Variants in ERMP1 observed in about 807,000 individuals in gnomAD.
The protein encoded by ERMP1 is Felix-ina.
ERMP1 carries 86 observed loss-of-function variants against 92.0 expected under a neutral mutation model. That is an observed-to-expected ratio of 0.93 (90% CI 0.79 to 1.12). The LOEUF (loss-of-function observed/expected upper bound fraction) is 1.12, where lower values mean the gene tolerates loss of function less well. ERMP1 is among the 50% of genes most tolerant of loss of function. The probability of loss-of-function intolerance (pLI) is 0.00; values close to 1 mark genes in which losing one functional copy is unlikely to be tolerated. For synonymous variants in ERMP1, 530 were observed against 412.8 expected (o/e 1.28, Z -3.44); for missense variants, 1,342 against 1,116.3 (o/e 1.20, Z -2.88).
At position 5,830,918 on chromosome 9, in the gene ERMP1, T is replaced by C; in HGVS notation, c.449A>G (p.Gln150Arg). The change falls in exon 2 of 15, where the codon CAA (glutamine) becomes CGA (arginine). Residue 150 changes from glutamine (Q) to arginine (R), a missense_variant. Gln to Arg is a conservative substitution (Grantham distance 43). Coordinates refer to ENST00000339450, the MANE Select transcript of ERMP1 (RefSeq NM_024896.3). ...LLEQIKLIEVQSNSLHKISVD... is the reference protein window; with the variant it reads ...LLEQIKLIEVRSNSLHKISVD... Reference sequence around the variant, plus strand: ...TGAAATCTTATGAAGGCTGTTGCTTTGCACTTCAATCAGTTTAATCTGTTC... The same window carrying C: ...TGAAATCTTATGAAGGCTGTTGCTTCGCACTTCAATCAGTTTAATCTGTTC... 1 of 1,614,158 alleles carries C rather than the reference T, an allele frequency of 6.2e-7. No homozygotes were observed. Among genetic ancestry groups the C allele is most frequent in the Non-Finnish European group, 8.5e-7 (1 of 1,179,978 alleles).
chr9:5,828,488 T>C (rs1444600211), intron 2 of ERMP1, among the ~76,000 whole-genome samples: 1 of 152,228 alleles, frequency 6.6e-6, no homozygotes, highest in East Asian at 1.9e-4. Context: ...AAGGAATCTA[T>C]ATAACACTTT....
intron 6 of ERMP1, among the ~76,000 whole-genome samples, chr9:5,851,547 C>A (rs1830307128): frequency 6.6e-6 from 1 of 152,156 alleles, no homozygotes; most frequent in Non-Finnish European, 1.5e-5. Flanking sequence ...TCATATCAGC[C>A]TTACACAGGG....
intron 13 of ERMP1, among the ~76,000 whole-genome samples, chr9:5,788,793 A>C (rs911055581): frequency 2.6e-5 from 4 of 152,212 alleles, no homozygotes; most frequent in Non-Finnish European, 5.9e-5. Flanking sequence ...GGATATTTAA[A>C]ACCCCACCAT....
intron 4 of ERMP1, among the ~76,000 whole-genome samples, chr9:5,823,182 A>C (rs1013606861): frequency 7.9e-5 from 12 of 152,102 alleles, no homozygotes; most frequent in Non-Finnish European, 1.5e-5. Flanking sequence ...CAACTCAGGA[A>C]ACTGAGACAG....
rs1828933676 is a variant in ERMP1, at chr9:5,808,002, AT to A, written c.1548+2008del. ...TCATTCTTGTTTTTTTTAAAAAAAA[AT>A]AATAGAGATGTGGTCTCACTTATAT... On this transcript the variant is annotated intron_variant, in intron 8 of 14. Coordinates refer to ENST00000339450, the MANE Select transcript of ERMP1 (RefSeq NM_024896.3). Among the ~76,000 whole-genome samples the A allele has an allele frequency of 3.3e-5, 5 of 152,208 alleles. No individual in the cohort carries two copies. The South Asian group carries it at 6.2e-4, about 19-fold the overall frequency.
intron 6 of ERMP1, among the ~76,000 whole-genome samples, chr9:5,844,676 G>C (rs1020956746): frequency 3.3e-5 from 5 of 152,176 alleles, no homozygotes; most frequent in Non-Finnish European, 7.3e-5. Context: ...AGAAGAGCAG[G>C]AACTCCTCTG....
chr9:5,807,977 T>C (rs12345100), intron 8 of ERMP1, among the ~76,000 whole-genome samples: 9,484 of 152,184 alleles, frequency 0.062, 683 homozygotes, highest in African/African-American at 0.18. Flanking sequence ...TCTTATGGCA[T>C]CATTCTTGTT....
intron 13 of ERMP1, among the ~76,000 whole-genome samples, chr9:5,794,282 C>A (rs1483532830): frequency 6.6e-6 from 1 of 151,982 alleles, no homozygotes; most frequent in Non-Finnish European, 1.5e-5. Flanking sequence ...TGGCATGGAA[C>A]ATAAGCAGTG....
At position 5,862,791 on chromosome 9, in the gene ERMP1, T is replaced by G. The variant is rs76548719; in HGVS notation, n.3056-3180A>C. ...AAGGTGAGTTCTCATTCCAAAGGAG[T>G]GTCTACTTGTTGGGGCCATGGGTTG... is the stretch of plus-strand genomic sequence containing the variant. On this transcript the variant is annotated intron_variant and non_coding_transcript_variant, in intron 5 of 6. Transcript: ENST00000690753. 4.6e-5 allele frequency among the ~76,000 whole-genome samples: 7 copies of G among 152,204 alleles called. No individual in the cohort carries two copies. The East Asian group carries it at 1.3e-3, about 29-fold the overall frequency.
intron 2 of ERMP1, among the ~76,000 whole-genome samples, chr9:5,828,090 G>T (rs1413724442): frequency 1.3e-5 from 2 of 152,208 alleles, no homozygotes; most frequent in African/African-American, 2.4e-5. Flanking sequence ...AATCACTTAA[G>T]GAGTTCAAGA....
chr9:5,841,161 G>C (rs1341500525), intron 6 of ERMP1, among the ~76,000 whole-genome samples: 3 of 152,154 alleles, frequency 2.0e-5, no homozygotes, highest in African/African-American at 7.2e-5. Context: ...CAAGTCTTTA[G>C]TTCCCCTTGG....
intron 4 of ERMP1, among the ~76,000 whole-genome samples, chr9:5,816,892 C>T (rs891830755): frequency 6.6e-6 from 1 of 151,222 alleles, no homozygotes; most frequent in Admixed American, 6.6e-5. Context: ...AACTACAGAG[C>T]CTATGCTTTT....
At chr9:5,838,946 T>G (rs759247633) in intron 6 of ERMP1, among the ~76,000 whole-genome samples, 5 of 152,236 alleles carry the variant, frequency 3.3e-5, no homozygotes, top group Non-Finnish European at 7.3e-5. Flanking sequence ...TTCCACCATT[T>G]CTGCCATGAG....
At chr9:5,802,499 C>T (rs1828709064) in intron 10 of ERMP1, among the ~76,000 whole-genome samples, 1 of 152,182 alleles carries the variant, frequency 6.6e-6, no homozygotes. Flanking sequence ...ATTCTTGTGC[C>T]TCAGCCTCCT....
At chr9:5,795,850 C>A (rs1828404300) in intron 13 of ERMP1, among the ~76,000 whole-genome samples, 1 of 151,880 alleles carries the variant, frequency 6.6e-6, no homozygotes, top group Non-Finnish European at 1.5e-5. Flanking sequence ...AAAACAAAAA[C>A]AAATCTCCTA....
Position 5,803,485 on chromosome 9 carries a change from C to T in ERMP1, c.1914+1542G>A, listed in dbSNP as rs540791608. On this transcript the variant is annotated intron_variant, in intron 10 of 14. Transcript: ENST00000339450. The stretch of plus-strand genomic sequence containing the variant: ...TGAACATCTCCAGGGTTCATTTTGC[C>T]CCCTTTCATATTATCAGTGGAACAG... Among the ~76,000 whole-genome samples, 15 of 152,228 alleles carry T rather than the reference C, an allele frequency of 9.9e-5. No homozygotes were observed. In the South Asian group the frequency reaches 1.2e-3, roughly 13 times the overall value.
At chr9:5,801,409 A>T in intron 10 of ERMP1, 81 bp from the exon 11 acceptor site, 1 of 1,418,584 alleles carries the variant, frequency 7.0e-7, no homozygotes. Flanking sequence ...CTTTATTTTT[A>T]ACAGTATTAC....
intron 6 of ERMP1, among the ~76,000 whole-genome samples, chr9:5,857,704 G>A (rs750462193): frequency 7.9e-5 from 12 of 152,186 alleles, no homozygotes; most frequent in Non-Finnish European, 1.8e-4. Flanking sequence ...ATCTGCAGGG[G>A]ATCTAGAAAA....
At chr9:5,798,541 G>A (rs1828540608) in intron 12 of ERMP1, among the ~76,000 whole-genome samples, 1 of 151,796 alleles carries the variant, frequency 6.6e-6, no homozygotes, top group Non-Finnish European at 1.5e-5. Flanking sequence ...GATGCTTATT[G>A]GCTATTATAT....
Sources: allele counts gnomAD v4.1 joint callset (sites outside exome capture counted in the v4.1 genomes callset), GRCh38; gene constraint gnomAD v4.1.1; transcripts MANE v1.5; gene names NCBI Gene and HGNC (gene_info 2026-07-23, HGNC 2026-07-21).